The following FSIP2 variants were observed in gnomAD, a reference collection of about 807,000 sequenced individuals.
The protein encoded by FSIP2 is fibrous sheath-interacting protein 2.
In FSIP2, 367 loss-of-function variants were observed where a neutral mutation model predicts 510.5. That is an observed-to-expected ratio of 0.72 (90% CI 0.66 to 0.78). FSIP2 has a LOEUF of 0.78. Ranked by LOEUF, FSIP2 falls within the 30% of genes least tolerant of loss-of-function variation. FSIP2 has a pLI of 0.00. For missense variants in FSIP2, 7,594 were observed against 7,901.7 expected (o/e 0.96, Z 1.48); for synonymous variants, 2,601 against 2,732.2 (o/e 0.95, Z 1.50).
rs908090807 is a variant in FSIP2, at chr2:185,801,030, T to G, written c.11724T>G (p.Asp3908Glu). The stretch of plus-strand genomic sequence containing the variant: ...GTTCTTTAGAACTCAGGAGCTATGA[T>G]AGTAATTCTTTGACAGTATCCCTGA... Reference protein sequence around the residue: ...SKSSLELRSYDSNSLTVSLNN... With the variant: ...SKSSLELRSYESNSLTVSLNN... The change falls in exon 17 of 23, where the codon GAT becomes GAG. Residue 3908 changes from aspartate to glutamate, a missense_variant. Transcript: ENST00000424728. 6.5e-7 allele frequency: 1 copy of G among 1,531,810 alleles called. No homozygotes were observed. Among genetic ancestry groups the G allele is most frequent in the Non-Finnish European group, 8.7e-7 (1 of 1,144,056 alleles). The allele number at this position is 1,531,810 out of a possible 1,614,324, so 94.9% of individuals were successfully genotyped here.
upstream of FSIP2, among the ~76,000 whole-genome samples, chr2:185,737,215 AC>A (rs1691798270): frequency 6.6e-6 from 1 of 152,176 alleles, no homozygotes. Flanking sequence ...AACCTCCATC[AC>A]TGTAAGGTAA....
intron 11 of FSIP2, 49 bp from the exon 12 acceptor site, chr2:185,763,134 C>A: frequency 1.2e-6 from 1 of 812,984 alleles, no homozygotes; most frequent in Non-Finnish European, 2.0e-6. Flanking sequence ...TAACCCTTGT[C>A]CCAGCAATAT....
intron 16 of FSIP2, among the ~76,000 whole-genome samples, chr2:185,798,089 TACAAATGAGA>T: frequency 6.6e-6 from 1 of 152,032 alleles, no homozygotes; most frequent in Non-Finnish European, 1.5e-5. Context: ...TTTCTCTATC[TACAAATGAGA>T]GAAAATGAGG....
intron 2 of FSIP2, chr2:185,740,332 C>G (rs955730984): frequency 1.3e-5 from 2 of 152,162 alleles, no homozygotes; most frequent in African/African-American, 4.8e-5. Context: ...ATAGTGTGTA[C>G]TTCCCTTAAG....
rs1260243219 is a variant in FSIP2, at chr2:185,806,866, C to T, written c.17560C>T (p.Gln5854Ter). The T allele has an allele frequency of 1.2e-6, 2 of 1,608,558 alleles. No homozygotes were observed. The highest frequency in any genetic ancestry group is 1.7e-5 in the Admixed American group (1 of 59,020). ...IKVFRPDKGN[Q>*]FPGGKVSSVP... Reference sequence around the variant, plus strand: ...GGTTTTCAGGCCAGATAAGGGAAATCAGTTCCCTGGGGGTAAAGTGTCTTC... The same window carrying T: ...GGTTTTCAGGCCAGATAAGGGAAATTAGTTCCCTGGGGGTAAAGTGTCTTC... Residue 5854 changes from glutamine to a stop codon, truncating the protein, a stop_gained, in exon 17 of 23, where the codon CAG (glutamine) becomes TAG (stop). Transcript: ENST00000424728. LOFTEE classifies it high-confidence loss of function.
chr2:185,833,263 T>G lies in FSIP2; in HGVS notation c.*37T>G, dbSNP rs745506576. 13 of 1,546,486 alleles carry G rather than the reference T, an allele frequency of 8.4e-6. No homozygotes were observed. The highest frequency in any genetic ancestry group is 1.1e-5 in the Non-Finnish European group (13 of 1,141,136). On this transcript the variant is annotated 3_prime_UTR_variant, in exon 23 of 23. Transcript: ENST00000424728. Reference sequence around the variant, plus strand: ...CTGATATAAGTATGCTTACTTCTTTTAGAAAATAAAATGGTTTTTAAAGCA... The same window carrying G: ...CTGATATAAGTATGCTTACTTCTTTGAGAAAATAAAATGGTTTTTAAAGCA...
At chr2:185,815,324 A>G (rs1693807059) in intron 18 of FSIP2, 47 bp from the exon 19 acceptor site, 5 of 861,620 alleles carry the variant, frequency 5.8e-6, no homozygotes, top group African/African-American at 1.7e-5. Context: ...GTAAGAAAAT[A>G]TATCCCAAAC....
chr2:185,803,672 T>C lies in FSIP2; in HGVS notation c.14366T>C (p.Leu4789Ser). 1 of 1,525,926 alleles carries C rather than the reference T, an allele frequency of 6.6e-7. No homozygotes were observed. Among genetic ancestry groups the C allele is most frequent in the Non-Finnish European group, 8.8e-7 (1 of 1,138,730 alleles). 94.5% of individuals were successfully genotyped at this position (1,525,926 alleles called of 1,614,324 possible). ...GCTTCAACAATGTATACCACTATGT[T>C]ATCACATAGTCATTTGGAAAAAATA... ...RQASTMYTTM[L>S]SHSHLEKIVT... The change falls in exon 17 of 23, where the codon TTA becomes TCA. Residue 4789 changes from leucine to serine, a missense_variant. By Grantham distance (145) the Leu-to-Ser change is moderately radical. Transcript: ENST00000424728.
Position 185,756,179 on chromosome 2 carries a change from A to G in FSIP2, c.992-13A>G. Reference sequence around the variant, plus strand: ...CATAAGTAAAAATAAATGTTTTATTATATTTCTTTAAGCTTCTCCAAAGAA... The same window carrying G: ...CATAAGTAAAAATAAATGTTTTATTGTATTTCTTTAAGCTTCTCCAAAGAA... On this transcript the variant is annotated splice_polypyrimidine_tract_variant and intron_variant, in intron 8 of 22. Coordinates refer to ENST00000424728, the MANE Select transcript of FSIP2 (RefSeq NM_173651.4). 1.9e-6 allele frequency: 2 copies of G among 1,036,694 alleles called. No individual in the cohort carries two copies. Among genetic ancestry groups the G allele is most frequent in the Non-Finnish European group, 2.8e-6 (2 of 725,490 alleles). The allele number at this position is 1,036,694 out of a possible 1,614,324, so 64.2% of individuals were successfully genotyped here. A position where few individuals can be genotyped will look rare whatever the true frequency, so the allele number is the denominator to read the frequency against.
intron 13 of FSIP2, 30 bp downstream of exon 13, chr2:185,764,595 T>A (rs563511065): frequency 4.9e-4 from 670 of 1,368,686 alleles, no homozygotes; most frequent in Middle Eastern, 3.6e-3. Flanking sequence ...ATTGAGTAAA[T>A]CTTGCATTCT....
chr2:185,761,342 T>C (rs1030302671), intron 10 of FSIP2, among the ~76,000 whole-genome samples: 2 of 151,156 alleles, frequency 1.3e-5, no homozygotes, highest in African/African-American at 4.8e-5. Flanking sequence ...ATAATAATAA[T>C]GACAGCTTGC....
Position 185,806,926 on chromosome 2 carries a change from A to G in FSIP2, c.17620A>G (p.Thr5874Ala), listed in dbSNP as rs1378970641. 4 of 1,611,602 alleles carry G rather than the reference A, an allele frequency of 2.5e-6. No individual in the cohort carries two copies. The highest frequency in any genetic ancestry group is 3.4e-6 in the Non-Finnish European group (4 of 1,178,736). The change falls in exon 17 of 23, where the codon ACT becomes GCT. Residue 5874 changes from threonine to alanine, a missense_variant. Coordinates refer to ENST00000424728, the MANE Select transcript of FSIP2 (RefSeq NM_173651.4). The stretch of plus-strand genomic sequence containing the variant: ...AGTACCTCCAAGGTATAAAGAGCCA[A>G]CTACAGATGAAGCACCATCCAGCAT... The part of the protein sequence containing the change: ...PKVPPRYKEP[T>A]TDEAPSSIKI...
intron 3 of FSIP2, among the ~76,000 whole-genome samples, 193 bp downstream of exon 3, chr2:185,743,487 G>A (rs1691966017): frequency 6.6e-6 from 1 of 152,082 alleles, no homozygotes. Flanking sequence ...CTAAATGAAA[G>A]TACTTCTTCC....
chr2:185,797,152 C>A lies in FSIP2; in HGVS notation c.10016C>A (p.Ser3339Tyr). ...GAAAATATTGTCAATACTGTGCTAT[C>A]CAGCTGTGGCTTTCCAAGTCAACCA... is the stretch of plus-strand genomic sequence containing the variant. ...AAENIVNTVLSSCGFPSQPHT... is the reference protein window; with the variant it reads ...AAENIVNTVLYSCGFPSQPHT... The change falls in exon 16 of 23, where the codon TCC becomes TAC. Residue 3339 changes from serine (S) to tyrosine (Y), a missense_variant. Physicochemically the swap from Ser to Tyr is moderately radical, Grantham distance 144 (BLOSUM62 -2). Coordinates refer to ENST00000424728, the MANE Select transcript of FSIP2 (RefSeq NM_173651.4). The A allele has an allele frequency of 6.5e-7, 1 of 1,534,846 alleles. No homozygotes were observed.
At chr2:185,825,480 T>C (rs1473748032) in intron 20 of FSIP2, among the ~76,000 whole-genome samples, 2 of 151,706 alleles carry the variant, frequency 1.3e-5, no homozygotes, top group Non-Finnish European at 2.9e-5. Flanking sequence ...GGGTATAATA[T>C]TCACTATTTG....
intron 14 of FSIP2, among the ~76,000 whole-genome samples, chr2:185,784,426 A>G (rs1692920303): frequency 6.6e-6 from 1 of 152,070 alleles, no homozygotes; most frequent in Non-Finnish European, 1.5e-5. Context: ...CACAATGAAT[A>G]ACTTTGACAC....
chr2:185,796,608 G>A lies in FSIP2; in HGVS notation c.9472G>A (p.Val3158Ile). The A allele has an allele frequency of 6.5e-7, 1 of 1,535,056 alleles. No individual in the cohort carries two copies. The highest frequency in any genetic ancestry group is 8.7e-7 in the Non-Finnish European group (1 of 1,146,244). The change falls in exon 16 of 23, where the codon GTT (valine) becomes ATT (isoleucine). Residue 3158 changes from valine (V) to isoleucine (I), a missense_variant. Physicochemically the swap from Val to Ile is conservative, Grantham distance 29. Coordinates refer to ENST00000424728, the MANE Select transcript of FSIP2 (RefSeq NM_173651.4). ...TGAAAATGCCTACACTGTTAATCAG[G>A]TTGAATTAGCAACTAATATGAAAAT... is the stretch of plus-strand genomic sequence containing the variant. ...GAENAYTVNQ[V>I]ELATNMKMFT...
At chr2:185,809,860 G>T (rs767754778) in intron 17 of FSIP2, among the ~76,000 whole-genome samples, 1 of 151,744 alleles carries the variant, frequency 6.6e-6, no homozygotes, top group Admixed American at 6.6e-5. Flanking sequence ...TATTTTAACC[G>T]GGAATTTAAA....
chr2:185,784,127 G>A (rs1249017642), intron 14 of FSIP2: 2 of 152,100 alleles, frequency 1.3e-5, no homozygotes, highest in Non-Finnish European at 2.9e-5. Flanking sequence ...TAGTCTTCTT[G>A]TTCCTGATCA....
Sources: gnomAD v4.1 joint callset for allele counts (sites outside exome capture counted in the v4.1 genomes callset) on GRCh38, gnomAD v4.1.1 for gene constraint, MANE v1.5 for transcripts, NCBI Gene and HGNC (gene_info 2026-07-23, HGNC 2026-07-21) for gene names.